BCL7C: variants seen among roughly 807,000 people sequenced by gnomAD.
BCL7C encodes the protein BAF chromatin remodeling complex subunit BCL7C.
Under a neutral mutation model 26.2 loss-of-function variants are expected in BCL7C, and 8 were observed. The observed-to-expected ratio is 0.30, with a 90% CI of 0.18 to 0.55. The LOEUF (loss-of-function observed/expected upper bound fraction) is 0.55, where lower values mean the gene tolerates loss of function less well. BCL7C is among the 20% of genes least tolerant of loss of function. The pLI is 0.93. For synonymous variants in BCL7C, 90 were observed against 116.5 expected, an observed-to-expected ratio of 0.77 and a Z score of 1.47; for missense variants, 262 against 298.5, an observed-to-expected ratio of 0.88 and a Z score of 0.90.
At chr16:30,891,233 C>T (rs984486946) in intron 4 of BCL7C, among the ~76,000 whole-genome samples, 1 of 150,248 alleles carries the variant, frequency 6.7e-6, no homozygotes, top group Non-Finnish European at 1.5e-5. Context: ...GAGGCCAAGG[C>T]GGGCAGATCA....
chr16:30,881,892 G>A lies in BCL7C; in HGVS notation c.528+6968C>T, dbSNP rs554290450. 5.9e-5 allele frequency among the ~76,000 whole-genome samples: 9 copies of A among 151,636 alleles called. No individual in the cohort carries two copies. In the East Asian group the frequency reaches 1.7e-3, roughly 29 times the overall value. ...CCGTTCTGTGCTTGCTTTTTCCAGCGCACTCTAACTTCCTGCTTAGGATAT... is the reference window on the plus strand; with the variant it reads ...CCGTTCTGTGCTTGCTTTTTCCAGCACACTCTAACTTCCTGCTTAGGATAT... On this transcript the variant is annotated intron_variant, in intron 5 of 5. Coordinates refer to the BCL7C transcript ENST00000380317.
chr16:30,886,875 G>A (rs2055140835), downstream of BCL7C, among the ~76,000 whole-genome samples: 2 of 152,114 alleles, frequency 1.3e-5, no homozygotes, highest in South Asian at 2.1e-4. Context: ...GTGTTATTAT[G>A]TATGAAACGT....
chr16:30,888,842 C>T lies in BCL7C; in HGVS notation c.528+18G>A. On this transcript the variant is annotated intron_variant, in intron 5 of 5. Transcript: ENST00000215115. ...TTCCCTCCAAGACCCAGGAGTCCAG[C>T]CTTCTGGCCTCTCTCACCTCAGCTT... 2 of 1,612,938 alleles carry T rather than the reference C, an allele frequency of 1.2e-6. No homozygotes were observed. The highest frequency in any genetic ancestry group is 1.7e-6 in the Non-Finnish European group (2 of 1,179,038).
intron 5 of BCL7C, among the ~76,000 whole-genome samples, chr16:30,869,438 C>T (rs1236686862): frequency 6.6e-6 from 1 of 151,290 alleles, no homozygotes; most frequent in Non-Finnish European, 1.5e-5. Context: ...CTCCTAAGCT[C>T]TAGTGGATCT....
downstream of BCL7C, among the ~76,000 whole-genome samples, chr16:30,887,529 T>A (rs970914934): frequency 1.4e-5 from 2 of 145,234 alleles, no homozygotes; most frequent in African/African-American, 5.1e-5. Context: ...AGAGTTTTGA[T>A]AATTGTTAGG....
intron 5 of BCL7C, among the ~76,000 whole-genome samples, chr16:30,863,075 A>G (rs2054792324): frequency 6.6e-6 from 1 of 151,880 alleles, no homozygotes. Flanking sequence ...ATTATTCCTG[A>G]TAACACACCT....
chr16:30,847,198 AT>A (rs2151361814), intron 5 of BCL7C, among the ~76,000 whole-genome samples: 1 of 152,312 alleles, frequency 6.6e-6, no homozygotes, highest in Admixed American at 6.5e-5. Flanking sequence ...AATGAGTTGA[AT>A]TTGCAGTCTC....
chr16:30,852,652 T>A (rs1276046519), intron 5 of BCL7C, among the ~76,000 whole-genome samples: 1 of 151,670 alleles, frequency 6.6e-6, no homozygotes, highest in East Asian at 2.0e-4. Flanking sequence ...CCACCAGGCC[T>A]GGCTAATTTT....
intron 5 of BCL7C, among the ~76,000 whole-genome samples, chr16:30,878,905 A>T (rs956796515): frequency 1.3e-5 from 2 of 152,160 alleles, no homozygotes; most frequent in Middle Eastern, 3.4e-3. Context: ...ATGATTCCCC[A>T]GGTGATTCCA....
chr16:30,855,108 C>T (rs1252232357), intron 5 of BCL7C, among the ~76,000 whole-genome samples: 1 of 152,142 alleles, frequency 6.6e-6, no homozygotes, highest in Admixed American at 6.5e-5. Flanking sequence ...CTTTCAATGT[C>T]GCACACAGAC....
At chr16:30,850,083 A>G (rs1341578743) in intron 5 of BCL7C, among the ~76,000 whole-genome samples, 3 of 151,760 alleles carry the variant, frequency 2.0e-5, no homozygotes, top group Non-Finnish European at 1.5e-5. Context: ...GGTGGCAGGC[A>G]CCTGTAGTCC....
chr16:30,891,007 C>CA lies in BCL7C; in HGVS notation c.442+1578dup, dbSNP rs199816298. The stretch of plus-strand genomic sequence containing the variant: ...TCTCAAAAACAAACAAACAAATAAA[C>CA]AAAAAAAACAAAAATCAGCCGGGCA... On this transcript the variant is annotated intron_variant, in intron 4 of 5. Coordinates refer to ENST00000215115, the MANE Select transcript of BCL7C (RefSeq NM_004765.4). Among the ~76,000 whole-genome samples, 111 of 149,370 alleles carry CA rather than the reference C, an allele frequency of 7.4e-4. No individual in the cohort carries two copies. In the East Asian group the frequency reaches 0.016, roughly 21 times the overall value.
intron 5 of BCL7C, among the ~76,000 whole-genome samples, chr16:30,835,831 G>GT: frequency 6.6e-6 from 1 of 152,138 alleles, no homozygotes; most frequent in Admixed American, 6.5e-5. Context: ...GGGCGACAGA[G>GT]TGAGACTCCG....
chr16:30,858,322 C>T (rs931261406), intron 5 of BCL7C, among the ~76,000 whole-genome samples: 1 of 152,164 alleles, frequency 6.6e-6, no homozygotes, highest in Non-Finnish European at 1.5e-5. Flanking sequence ...GGAGGAAGGT[C>T]CTTGCAGCAT....
chr16:30,840,921 G>A (rs1351360828), intron 5 of BCL7C, among the ~76,000 whole-genome samples: 1 of 152,186 alleles, frequency 6.6e-6, no homozygotes, highest in Non-Finnish European at 1.5e-5. Flanking sequence ...TTCCTCCCAT[G>A]ACACGTGGAG....
chr16:30,866,702 G>A (rs766598586), intron 5 of BCL7C, among the ~76,000 whole-genome samples: 18 of 152,028 alleles, frequency 1.2e-4, no homozygotes, highest in South Asian at 6.2e-4. Flanking sequence ...AAAATAAGGC[G>A]GAAAGAAAGT....
At chr16:30,841,071 A>C (rs2054598913) in intron 5 of BCL7C, among the ~76,000 whole-genome samples, 1 of 152,154 alleles carries the variant, frequency 6.6e-6, no homozygotes, top group Non-Finnish European at 1.5e-5. Flanking sequence ...CCCTGGAAGA[A>C]CTGACCTAAT....
rs1300383422 is a variant in BCL7C, at chr16:30,857,415, C to T, written c.529-22267G>A. Among the ~76,000 whole-genome samples the T allele has an allele frequency of 2.0e-5, 3 of 151,626 alleles. No individual in the cohort carries two copies. The East Asian group carries it at 5.8e-4, about 29-fold the overall frequency. Reference sequence around the variant, plus strand: ...AAAAAAAAAAAAAAAAAAGATAAACCCTGAGAATAGAGCTTTTCAAGGAGT... The same window carrying T: ...AAAAAAAAAAAAAAAAAAGATAAACTCTGAGAATAGAGCTTTTCAAGGAGT... On this transcript the variant is annotated intron_variant, in intron 5 of 5. Transcript: ENST00000380317.
At chr16:30,883,126 C>T (rs952649669), downstream of BCL7C, among the ~76,000 whole-genome samples, 1 of 152,068 alleles carries the variant, frequency 6.6e-6, no homozygotes, top group Admixed American at 6.6e-5. Flanking sequence ...GAAGCAAGTC[C>T]AGGGCAAGAG....
Sources: gnomAD v4.1 joint callset for allele counts (sites outside exome capture counted in the v4.1 genomes callset) on GRCh38, gnomAD v4.1.1 for gene constraint, MANE v1.5 for transcripts, NCBI Gene and HGNC (gene_info 2026-07-23, HGNC 2026-07-21) for gene names.